Variants in CEP128 observed in about 807,000 individuals in gnomAD.
The protein encoded by CEP128 is centrosomal protein 128kDa.
In CEP128, 132 loss-of-function variants were observed where a neutral mutation model predicts 156.7. The observed-to-expected ratio is 0.84, with a 90% CI of 0.73 to 0.97. The LOEUF (loss-of-function observed/expected upper bound fraction) is 0.97. Ranked by LOEUF, CEP128 falls within the 50% of genes least tolerant of loss-of-function variation. CEP128 has a pLI of 0.00. For missense variants in CEP128, 1,252 were observed against 1,281.9 expected, an observed-to-expected ratio of 0.98 and a Z score of 0.36; for synonymous variants, 469 against 448.9, an observed-to-expected ratio of 1.04 and a Z score of -0.57.
chr14:80,882,402 C>T (rs1031563541), intron 8 of CEP128, among the ~76,000 whole-genome samples: 3 of 151,788 alleles, frequency 2.0e-5, no homozygotes, highest in African/African-American at 7.3e-5. Flanking sequence ...GATTTATATC[C>T]AAAAGACAGA....
intron 19 of CEP128, among the ~76,000 whole-genome samples, chr14:80,699,004 T>A (rs1252437606): frequency 1.3e-5 from 2 of 152,140 alleles, no homozygotes; most frequent in Admixed American, 1.3e-4. Flanking sequence ...AGGCTTTTAA[T>A]ATTGGATATG....
intron 18 of CEP128, among the ~76,000 whole-genome samples, chr14:80,743,558 G>A (rs113822410): frequency 0.016 from 2,480 of 152,204 alleles, 36 homozygotes; most frequent in African/African-American, 0.03. Flanking sequence ...GTAATCCTCT[G>A]ATTTGATATA....
At position 80,904,899 on chromosome 14, in the gene CEP128, T is replaced by C. The variant is rs1403587117; in HGVS notation, c.394A>G (p.Lys132Glu). The C allele has an allele frequency of 1.2e-6, 2 of 1,609,580 alleles. No individual in the cohort carries two copies. Among genetic ancestry groups the C allele is most frequent in the Non-Finnish European group, 1.7e-6 (2 of 1,176,074 alleles). The change falls in exon 6 of 25, where the codon AAG (lysine) becomes GAG (glutamate). Residue 132 changes from lysine (K) to glutamate (E), a missense_variant. By Grantham distance (56) the Lys-to-Glu change is moderately conservative. Coordinates refer to ENST00000555265, the MANE Select transcript of CEP128 (RefSeq NM_152446.5). ...LHHFPPTSPL[K>E]DYGDPQGIKR... ...ATACCCTGTGGATCCCCATAGTCCT[T>C]GAGAGGTGAGGTAGGTGGAAAATGA... is the stretch of plus-strand genomic sequence containing the variant.
At chr14:80,714,790 A>T (rs964839047) in intron 19 of CEP128, among the ~76,000 whole-genome samples, 3 of 149,202 alleles carry the variant, frequency 2.0e-5, no homozygotes, top group Non-Finnish European at 4.5e-5. Flanking sequence ...ATCAAGACTT[A>T]AAAAAAAAAG....
At chr14:80,907,248 C>G (rs377337913) in intron 4 of CEP128, among the ~76,000 whole-genome samples, 1 of 152,028 alleles carries the variant, frequency 6.6e-6, no homozygotes, top group Non-Finnish European at 1.5e-5. Flanking sequence ...GAAGCTGCTT[C>G]TTTTGTCCCT....
chr14:80,795,394 C>G (rs552031198), intron 13 of CEP128, among the ~76,000 whole-genome samples: 1 of 152,298 alleles, frequency 6.6e-6, no homozygotes, highest in South Asian at 2.1e-4. Context: ...CTTTTGCTAG[C>G]TTTAAATCCT....
intron 4 of CEP128, among the ~76,000 whole-genome samples, chr14:80,906,948 C>A (rs1003561608): frequency 6.6e-6 from 1 of 152,150 alleles, no homozygotes; most frequent in African/African-American, 2.4e-5. Context: ...ATCCATGGAA[C>A]AAGTCATCTA....
rs562152954 is a variant in CEP128 at position 80,825,763 on chromosome 14, C to A, written c.1209+5380G>T. 9.3e-4 allele frequency among the ~76,000 whole-genome samples: 141 copies of A among 152,192 alleles called. 1 individual carries two copies. Among genetic ancestry groups the A allele is most frequent in the African/African-American group, 3.3e-3 (136 of 41,516 alleles). On this transcript the variant is annotated intron_variant, in intron 13 of 24. Transcript: ENST00000555265. ...ACAGATGAAAGATCTGAGAATTAAACCAAGTCTTCTAATAGGTATAAAGGC... is the reference window on the plus strand; with the variant it reads ...ACAGATGAAAGATCTGAGAATTAAAACAAGTCTTCTAATAGGTATAAAGGC...
At chr14:80,811,686 T>C (rs1373749877) in intron 13 of CEP128, among the ~76,000 whole-genome samples, 1 of 148,560 alleles carries the variant, frequency 6.7e-6, no homozygotes, top group Non-Finnish European at 1.5e-5. Context: ...TATGTGTGTG[T>C]GTGTGTGTGT....
At chr14:80,648,295 T>C (rs953781600) in intron 19 of CEP128, among the ~76,000 whole-genome samples, 4 of 152,162 alleles carry the variant, frequency 2.6e-5, no homozygotes, top group East Asian at 3.9e-4. Flanking sequence ...TCAATTCAGT[T>C]TCACCTGCCT....
chr14:80,759,611 T>C (rs889947201), intron 17 of CEP128, among the ~76,000 whole-genome samples: 1 of 152,100 alleles, frequency 6.6e-6, no homozygotes, highest in Non-Finnish European at 1.5e-5. Context: ...GAAAAAAATG[T>C]AGACTCTTAA....
chr14:80,846,407 T>C (rs535047125), intron 9 of CEP128, among the ~76,000 whole-genome samples: 2 of 151,532 alleles, frequency 1.3e-5, no homozygotes, highest in Admixed American at 6.6e-5. Flanking sequence ...ACCTAGAAAG[T>C]GAATATAATC....
chr14:80,520,674 C>G (rs751660349), intron 23 of CEP128, among the ~76,000 whole-genome samples: 36 of 151,840 alleles, frequency 2.4e-4, no homozygotes, highest in Non-Finnish European at 5.9e-5. Flanking sequence ...TTTTCAGAAA[C>G]CAAATCCACT....
intron 13 of CEP128, among the ~76,000 whole-genome samples, chr14:80,802,374 C>T (rs899786359): frequency 1.3e-5 from 2 of 152,092 alleles, no homozygotes; most frequent in African/African-American, 2.4e-5. Context: ...GGAATGAGAT[C>T]GTGTCCTCTG....
intron 15 of CEP128, among the ~76,000 whole-genome samples, chr14:80,781,273 A>G (rs563417630): frequency 6.6e-6 from 1 of 152,212 alleles, no homozygotes; most frequent in South Asian, 2.1e-4. Context: ...CCTGGCCAAC[A>G]TTGTGAAACC....
intron 12 of CEP128, 151 bp from the exon 13 acceptor site, chr14:80,831,445 CAA>C: frequency 1.4e-6 from 1 of 708,216 alleles, no homozygotes; most frequent in Non-Finnish European, 2.2e-6. Context: ...CCTGTTGTTT[CAA>C]GTTTTATAGC....
chr14:80,872,952 C>CA (rs964704932), intron 8 of CEP128, among the ~76,000 whole-genome samples: 3 of 152,168 alleles, frequency 2.0e-5, no homozygotes, highest in Admixed American at 2.0e-4. Context: ...GGACTATACA[C>CA]ACCCATAAGA....
chr14:80,863,931 G>A (rs1887642941), intron 8 of CEP128, among the ~76,000 whole-genome samples: 1 of 152,142 alleles, frequency 6.6e-6, no homozygotes, highest in African/African-American at 2.4e-5. Flanking sequence ...CTTAGGCAGA[G>A]CAGAAGTTTA....
intron 20 of CEP128, among the ~76,000 whole-genome samples, chr14:80,576,222 A>G (rs796443769): frequency 2.1e-4 from 32 of 152,306 alleles, no homozygotes; most frequent in African/African-American, 6.7e-4. Context: ...TAAATTGAGG[A>G]AAAATGGATT....
Sources: gnomAD v4.1 joint callset for allele counts (sites outside exome capture counted in the v4.1 genomes callset) on GRCh38, gnomAD v4.1.1 for gene constraint, MANE v1.5 for transcripts, NCBI Gene and HGNC (gene_info 2026-07-23, HGNC 2026-07-21) for gene names.